ETFBKMT: variants seen among roughly 807,000 people sequenced by gnomAD.
ETFBKMT encodes the protein electron transfer flavoprotein subunit beta lysine methyltransferase.
ETFBKMT carries 13 observed loss-of-function variants against 18.3 expected under a neutral mutation model. That is an observed-to-expected ratio of 0.71 (90% CI 0.46 to 1.13). The LOEUF is 1.13. Among genes scored for constraint, ETFBKMT ranks in the 50% most tolerant of loss-of-function variants. The pLI is 0.00. For synonymous variants in ETFBKMT, 84 were observed against 107.9 expected, an observed-to-expected ratio of 0.78 and a Z score of 1.37; for missense variants, 293 against 306.2, an observed-to-expected ratio of 0.96 and a Z score of 0.32.
chr12:31,657,403 CT>C (rs1222355819), upstream of ETFBKMT, among the ~76,000 whole-genome samples: 1 of 152,170 alleles, frequency 6.6e-6, no homozygotes, highest in East Asian at 1.9e-4. Flanking sequence ...CCATATATCC[CT>C]GTTTTTCATG....
At chr12:31,648,101 A>G (rs902627484) in intron 1 of ETFBKMT, among the ~76,000 whole-genome samples, 1 of 152,254 alleles carries the variant, frequency 6.6e-6, no homozygotes, top group Non-Finnish European at 1.5e-5. Flanking sequence ...TAATAGCCAG[A>G]AAGTGGAAAC....
rs1032300018 is a variant in ETFBKMT at position 31,671,335 on chromosome 12, C to T, written c.*3345C>T. On this transcript the variant is annotated 3_prime_UTR_variant, in exon 4 of 4. Coordinates refer to ENST00000357721, the MANE Select transcript of ETFBKMT (RefSeq NM_001135863.2). ...AGAAATGGAGTTGAATAAGTACCCCCCAACATATACAAGAAAGTTAGCATA... is the reference window on the plus strand; with the variant it reads ...AGAAATGGAGTTGAATAAGTACCCCTCAACATATACAAGAAAGTTAGCATA... The T allele has an allele frequency of 2.6e-5, 4 of 152,108 alleles. No homozygotes were observed. Among genetic ancestry groups the T allele is most frequent in the East Asian group, 1.9e-4 (1 of 5,200 alleles). 9.4% of individuals were successfully genotyped at this position (152,108 alleles called of 1,614,324 possible).
In ETFBKMT at chr12:31,668,025, T is replaced by A; in HGVS notation, c.*35T>A. 1.3e-6 allele frequency: 2 copies of A among 1,539,344 alleles called. No homozygotes were observed. The highest frequency in any genetic ancestry group is 1.8e-6 in the Non-Finnish European group (2 of 1,130,404). On this transcript the variant is annotated 3_prime_UTR_variant, in exon 4 of 4. Transcript: ENST00000357721. ...GTGCTTCCAAGTATGAATATAGTAA[T>A]GTTTGGATCTGACTCTAAAAGTTTT...
chr12:31,670,629 C>T lies in ETFBKMT; in HGVS notation c.*2639C>T, dbSNP rs1951253257. 6.6e-6 allele frequency: 1 copy of T among 152,052 alleles called. No homozygotes were observed. The highest frequency in any genetic ancestry group is 2.1e-4 in the South Asian group (1 of 4,828). The allele number at this position is 152,052 out of a possible 1,614,324, so 9.4% of individuals were successfully genotyped here. On this transcript the variant is annotated 3_prime_UTR_variant, in exon 4 of 4. Transcript: ENST00000357721. Reference sequence around the variant, plus strand: ...CTGTAGGCATGCACCACCATGATGCCTGGCTAGTTTTTTTATTTTGTATTT... The same window carrying T: ...CTGTAGGCATGCACCACCATGATGCTTGGCTAGTTTTTTTATTTTGTATTT...
chr12:31,661,933 CTG>C lies in ETFBKMT; in HGVS notation c.-17_-16del. On this transcript the variant is annotated 5_prime_UTR_variant, in exon 2 of 4. Transcript: ENST00000357721. ...ATTATCAACAGAACATTGACAGAAC[CTG>C]TGTTTGGGGAAAGGACTGATGGCTT... 6.2e-7 allele frequency: 1 copy of C among 1,607,636 alleles called. No homozygotes were observed. Among genetic ancestry groups the C allele is most frequent in the Non-Finnish European group, 8.5e-7 (1 of 1,176,028 alleles).
At chr12:31,653,551 A>G (rs1951034748) in intron 1 of ETFBKMT, among the ~76,000 whole-genome samples, 1 of 152,256 alleles carries the variant, frequency 6.6e-6, no homozygotes, top group African/African-American at 2.4e-5. Flanking sequence ...ACAAATTTAC[A>G]CAGACACGGT....
chr12:31,648,121 G>A (rs113550863), intron 1 of ETFBKMT, among the ~76,000 whole-genome samples: 52 of 152,264 alleles, frequency 3.4e-4, no homozygotes, highest in African/African-American at 1.2e-3. Flanking sequence ...CCACCTTAAT[G>A]TTTATCACAG....
intron 1 of ETFBKMT, among the ~76,000 whole-genome samples, chr12:31,652,144 T>G (rs2139610206): frequency 6.6e-6 from 1 of 152,288 alleles, no homozygotes; most frequent in East Asian, 1.9e-4. Flanking sequence ...CCTATGTAAA[T>G]CAGACACCGT....
In ETFBKMT at chr12:31,672,466, T is replaced by C. The variant is rs1951298954; in HGVS notation, c.*4476T>C. 7 of 914,216 alleles carry C rather than the reference T, an allele frequency of 7.7e-6. No homozygotes were observed. The South Asian group carries it at 8.5e-5, about 11-fold the overall frequency. The allele number at this position is 914,216 out of a possible 1,614,324, so 56.6% of individuals were successfully genotyped here. A position where few individuals can be genotyped will look rare whatever the true frequency, so the allele number is the denominator to read the frequency against. On this transcript the variant is annotated 3_prime_UTR_variant, in exon 4 of 4. Transcript: ENST00000357721. ...TCTAACTGGAGGTGATGTTAATTAT[T>C]ATACAGTTATTTAAAGGATTAAAGG...
Position 31,667,689 on chromosome 12 carries a change from T to C in ETFBKMT, c.488T>C (p.Leu163Pro). Reference sequence around the variant, plus strand: ...ACACTAAATTGTGAATTGAACAGACTGAATCCTTTTCCTATTTTAATCCAA... The same window carrying C: ...ACACTAAATTGTGAATTGAACAGACCGAATCCTTTTCCTATTTTAATCCAA... The part of the protein sequence containing the change: ...AITLNCELNR[L>P]NPFPILIQNI... Residue 163 changes from leucine to proline, a missense_variant, in exon 4 of 4, where the codon CTG (leucine) becomes CCG (proline). Leu to Pro is a moderately conservative substitution (Grantham distance 98). Coordinates refer to ENST00000357721, the MANE Select transcript of ETFBKMT (RefSeq NM_001135863.2). 1 of 1,614,054 alleles carries C rather than the reference T, an allele frequency of 6.2e-7. No individual in the cohort carries two copies.
chr12:31,647,875 G>A (rs1044333908), intron 1 of ETFBKMT, among the ~76,000 whole-genome samples: 4 of 152,044 alleles, frequency 2.6e-5, no homozygotes, highest in African/African-American at 9.7e-5. Flanking sequence ...AACAAGTGTT[G>A]ATAAGAATGT....
chr12:31,661,791 ATG>A, intron 1 of ETFBKMT, 48 bp from the exon 2 acceptor site: 1 of 673,818 alleles, frequency 1.5e-6, no homozygotes, highest in Non-Finnish European at 2.5e-6. Context: ...GGATCTAGAA[ATG>A]TTGCTCTTCC....
chr12:31,664,458 T>G (rs1951167966), intron 2 of ETFBKMT, among the ~76,000 whole-genome samples: 1 of 152,194 alleles, frequency 6.6e-6, no homozygotes, highest in Non-Finnish European at 1.5e-5. Context: ...TACTAAGTAT[T>G]CAATACTTTG....
At chr12:31,660,891 A>C (rs541684760) in intron 1 of ETFBKMT, 2 of 152,328 alleles carry the variant, frequency 1.3e-5, no homozygotes, top group African/African-American at 4.8e-5. Context: ...CCACCACTAG[A>C]ATATAAGCTT....
In ETFBKMT at chr12:31,669,857, T is replaced by C. The variant is rs1951245116; in HGVS notation, c.*1867T>C. The C allele has an allele frequency of 1.3e-5, 2 of 151,672 alleles. No individual in the cohort carries two copies. The highest frequency in any genetic ancestry group is 1.9e-4 in the East Asian group (1 of 5,178). 9.4% of individuals were successfully genotyped at this position (151,672 alleles called of 1,614,324 possible). On this transcript the variant is annotated 3_prime_UTR_variant, in exon 4 of 4. Coordinates refer to ENST00000357721, the MANE Select transcript of ETFBKMT (RefSeq NM_001135863.2). ...TTTTTGAGGCAGAGTTTCACTCTTATTGCCCAGGCTGGAGTGCAATGGCGT... is the reference window on the plus strand; with the variant it reads ...TTTTTGAGGCAGAGTTTCACTCTTACTGCCCAGGCTGGAGTGCAATGGCGT...
At chr12:31,662,505 C>CTTTTTTTTTTTTTTTT (rs35366747) in intron 2 of ETFBKMT, among the ~76,000 whole-genome samples, 2 of 128,844 alleles carry the variant, frequency 1.6e-5, no homozygotes, top group African/African-American at 2.8e-5. Context: ...TTCTTTCTTT[C>CTTTTTTTTTTTTTTTT]TTTTTTTTTT....
chr12:31,664,872 C>T (rs577155289), intron 2 of ETFBKMT, among the ~76,000 whole-genome samples: 1 of 151,528 alleles, frequency 6.6e-6, no homozygotes, highest in Admixed American at 6.6e-5. Context: ...ACCTTGCCTC[C>T]TAAAGTGCTG....
At chr12:31,651,160 G>T (rs907486267) in intron 1 of ETFBKMT, among the ~76,000 whole-genome samples, 1 of 152,030 alleles carries the variant, frequency 6.6e-6, no homozygotes, top group African/African-American at 2.4e-5. Flanking sequence ...AGATAAACTG[G>T]AAGTCTTACA....
chr12:31,648,779 T>C (rs1007050525), intron 1 of ETFBKMT, among the ~76,000 whole-genome samples: 7 of 151,750 alleles, frequency 4.6e-5, no homozygotes, highest in South Asian at 2.1e-4. Flanking sequence ...GCCAGGATGG[T>C]CTCGATCTCC....
Sources: gnomAD v4.1 joint callset for allele counts (sites outside exome capture counted in the v4.1 genomes callset) on GRCh38, gnomAD v4.1.1 for gene constraint, MANE v1.5 for transcripts, NCBI Gene and HGNC (gene_info 2026-07-23, HGNC 2026-07-21) for gene names.